The following NEK10 variants were observed in gnomAD, a reference collection of about 807,000 sequenced individuals.
The protein encoded by NEK10 is NIMA related kinase 10.
Under a neutral mutation model 159.8 loss-of-function variants are expected in NEK10, and 122 were observed. That is an observed-to-expected ratio of 0.76 (90% CI 0.66 to 0.89). NEK10 has a LOEUF of 0.89. Ranked by LOEUF, NEK10 falls within the 40% of genes least tolerant of loss-of-function variation. NEK10 has a pLI of 0.00. For missense variants in NEK10, 1,342 were observed against 1,323.1 expected (o/e 1.01, Z -0.22); for synonymous variants, 466 against 457.1 (o/e 1.02, Z -0.25).
rs1381347740 is a variant in NEK10, at chr3:27,268,808, T to C, written c.2015-12437A>G. Among the ~76,000 whole-genome samples, 4 of 152,192 alleles carry C rather than the reference T, an allele frequency of 2.6e-5. No homozygotes were observed. In the South Asian group the frequency reaches 8.3e-4, roughly 31 times the overall value. On this transcript the variant is annotated intron_variant, in intron 22 of 35. Transcript: ENST00000691995. ...TTCAGAGATACATTTCATAAGGCTA[T>C]AGCTGCCATAGATAGTGACTCCTCT...
intron 1 of NEK10, among the ~76,000 whole-genome samples, chr3:27,365,145 G>A (rs2048965465): frequency 6.6e-6 from 1 of 152,126 alleles, no homozygotes; most frequent in South Asian, 2.1e-4. Context: ...CTTTAATAAA[G>A]AAATATTATT....
intron 22 of NEK10, among the ~76,000 whole-genome samples, chr3:27,257,792 T>TC (rs1368738375): frequency 3.8e-5 from 4 of 104,212 alleles, no homozygotes; most frequent in African/African-American, 1.2e-4. Flanking sequence ...TTTTTTCTTT[T>TC]TTTTTTTTTT....
intron 33 of NEK10, among the ~76,000 whole-genome samples, chr3:27,116,506 G>T (rs924180662): frequency 6.6e-6 from 1 of 151,990 alleles, no homozygotes; most frequent in Admixed American, 6.6e-5. Context: ...AGGCTAAGAA[G>T]AATAAATATA....
At chr3:27,364,201 T>G (rs1160132666) in intron 1 of NEK10, among the ~76,000 whole-genome samples, 1 of 151,706 alleles carries the variant, frequency 6.6e-6, no homozygotes, top group Non-Finnish European at 1.5e-5. Flanking sequence ...TGAGATGGAG[T>G]TTTGCTCTTG....
chr3:27,199,876 CAT>C (rs1197042774), intron 25 of NEK10, among the ~76,000 whole-genome samples: 15 of 152,116 alleles, frequency 9.9e-5, no homozygotes, highest in African/African-American at 3.6e-4. Context: ...CCAAATACTA[CAT>C]GTTTTCACTT....
intron 13 of NEK10, among the ~76,000 whole-genome samples, chr3:27,299,718 T>A (rs1165772705): frequency 2.0e-5 from 3 of 152,192 alleles, no homozygotes; most frequent in African/African-American, 7.2e-5. Context: ...GGGAACCCAC[T>A]TATAGCATCA....
intron 23 of NEK10, among the ~76,000 whole-genome samples, chr3:27,235,086 C>T (rs945902515): frequency 6.6e-6 from 1 of 152,040 alleles, no homozygotes; most frequent in Non-Finnish European, 1.5e-5. Context: ...AACTGAACCC[C>T]TTTCTTATAC....
At chr3:27,197,566 T>C (rs190644770) in intron 25 of NEK10, among the ~76,000 whole-genome samples, 4 of 152,304 alleles carry the variant, frequency 2.6e-5, no homozygotes. Context: ...ACTGTAGATT[T>C]CGGCTTCACT....
chr3:27,215,963 T>C, intron 23 of NEK10: 1 of 529,584 alleles, frequency 1.9e-6, no homozygotes, highest in Non-Finnish European at 3.4e-6. Flanking sequence ...TACAATCACC[T>C]CCCACCAGGC....
chr3:27,284,943 A>G lies in NEK10; in HGVS notation c.1808T>C (p.Val603Ala), dbSNP rs2042465328. Residue 603 changes from valine to alanine, a missense_variant, in exon 21 of 36, where the codon GTT becomes GCT. Coordinates refer to ENST00000691995, the MANE Select transcript of NEK10 (RefSeq NM_001394966.1). The part of the protein sequence containing the change: ...TFLENDRLYI[V>A]MELIEGAPLG... The stretch of plus-strand genomic sequence containing the variant: ...CGGGGCTCCTTCTATCAGCTCCATA[A>G]CTATGTACAACCTATCATCTATATA... 6.2e-7 allele frequency: 1 copy of G among 1,603,744 alleles called. No homozygotes were observed. The highest frequency in any genetic ancestry group is 1.1e-5 in the South Asian group (1 of 89,762).
At chr3:27,366,485 T>A (rs1470021073) in intron 1 of NEK10, among the ~76,000 whole-genome samples, 2 of 152,238 alleles carry the variant, frequency 1.3e-5, no homozygotes, top group East Asian at 1.9e-4. Flanking sequence ...GACTTCAGCC[T>A]CAAAGCTTGA....
intron 4 of NEK10, 76 bp from the exon 5 acceptor site, chr3:27,344,446 C>A: frequency 2.9e-6 from 2 of 698,946 alleles, no homozygotes; most frequent in South Asian, 1.7e-5. Flanking sequence ...AGACAAAGAT[C>A]ATCTATATTC....
chr3:27,295,406 C>A (rs780720808), intron 15 of NEK10, among the ~76,000 whole-genome samples: 4 of 152,164 alleles, frequency 2.6e-5, no homozygotes, highest in Non-Finnish European at 4.4e-5. Flanking sequence ...ACCTAATTCT[C>A]CCACACAGAG....
At chr3:27,132,387 C>T (rs1942725186) in intron 31 of NEK10, among the ~76,000 whole-genome samples, 1 of 152,110 alleles carries the variant, frequency 6.6e-6, no homozygotes, top group Non-Finnish European at 1.5e-5. Context: ...AGCCTTGGTA[C>T]TATAGGATCT....
At chr3:27,120,111 T>G (rs1941073501) in intron 32 of NEK10, among the ~76,000 whole-genome samples, 1 of 152,114 alleles carries the variant, frequency 6.6e-6, no homozygotes, top group Non-Finnish European at 1.5e-5. Flanking sequence ...AAAAATATAC[T>G]TTATGGCCTT....
intron 5 of NEK10, among the ~76,000 whole-genome samples, chr3:27,337,394 A>C (rs1466572419): frequency 6.6e-6 from 1 of 152,152 alleles, no homozygotes; most frequent in African/African-American, 2.4e-5. Flanking sequence ...ACCCAAAGTA[A>C]TATACAGATT....
At chr3:27,283,498 T>A (rs2042351750) in intron 22 of NEK10, among the ~76,000 whole-genome samples, 1 of 152,182 alleles carries the variant, frequency 6.6e-6, no homozygotes, top group Non-Finnish European at 1.5e-5. Context: ...AAAAAATTTT[T>A]ATTGCTGGGA....
intron 32 of NEK10, among the ~76,000 whole-genome samples, chr3:27,125,654 T>C (rs997629366): frequency 2.6e-5 from 4 of 152,210 alleles, no homozygotes; most frequent in African/African-American, 7.2e-5. Context: ...TATTTTCTTA[T>C]ACATACACAC....
intron 5 of NEK10, among the ~76,000 whole-genome samples, chr3:27,330,757 C>T (rs370731458): frequency 3.3e-4 from 50 of 152,020 alleles, no homozygotes; most frequent in African/African-American, 3.6e-4. Flanking sequence ...AGGACTACCA[C>T]GGTCAAAGGA....
Sources: gnomAD v4.1 joint callset for allele counts (sites outside exome capture counted in the v4.1 genomes callset) on GRCh38, gnomAD v4.1.1 for gene constraint, MANE v1.5 for transcripts, NCBI Gene and HGNC (gene_info 2026-07-23, HGNC 2026-07-21) for gene names.